The following SOX6 variants were observed in gnomAD, a reference collection of about 807,000 sequenced individuals.
SOX6 encodes SRY-box transcription factor 6, also known as transcription factor SOX-6.
SOX6 carries 11 observed loss-of-function variants against 97.8 expected under a neutral mutation model. The observed-to-expected ratio is 0.11, with a 90% CI of 0.07 to 0.19. The LOEUF is 0.19. Among genes scored for constraint, SOX6 ranks in the 10% least tolerant of loss-of-function variants. SOX6 has a pLI of 1.00. For synonymous variants in SOX6, 360 were observed against 371.4 expected, an observed-to-expected ratio of 0.97 and a Z score of 0.35; for missense variants, 810 against 1,039.5, an observed-to-expected ratio of 0.78 and a Z score of 3.04.
intron 3 of SOX6, among the ~76,000 whole-genome samples, chr11:16,621,532 T>A (rs181109220): frequency 4.1e-4 from 62 of 152,350 alleles, no homozygotes; most frequent in African/African-American, 1.5e-3. Flanking sequence ...TATAGTGTTG[T>A]ACATAAAGAT....
chr11:16,216,567 T>C (rs10832559), intron 4 of SOX6, among the ~76,000 whole-genome samples: 72,365 of 151,464 alleles, frequency 0.48, 17,469 homozygotes, highest in South Asian at 0.61. Flanking sequence ...AGAGAGTCTC[T>C]TCAGAACCCT....
At chr11:16,203,208 C>G (rs373911981) in intron 4 of SOX6, among the ~76,000 whole-genome samples, 61 of 152,162 alleles carry the variant, frequency 4.0e-4, no homozygotes, top group Admixed American at 4.0e-3. Flanking sequence ...GGTTTCTTTT[C>G]TTTGGAACCA....
chr11:16,352,611 T>C (rs565295583), intron 1 of SOX6, among the ~76,000 whole-genome samples: 1 of 152,276 alleles, frequency 6.6e-6, no homozygotes, highest in South Asian at 2.1e-4. Context: ...ATTAAAAGTG[T>C]CTGAAATCTA....
chr11:16,639,958 T>G (rs1044707701), intron 3 of SOX6, among the ~76,000 whole-genome samples: 1 of 151,790 alleles, frequency 6.6e-6, no homozygotes, highest in Non-Finnish European at 1.5e-5. Context: ...TGAATAGGAG[T>G]GGTGAGAGAG....
chr11:16,413,667 C>A (rs1015196164), intron 1 of SOX6, among the ~76,000 whole-genome samples: 7 of 151,420 alleles, frequency 4.6e-5, no homozygotes, highest in African/African-American at 9.7e-5. Flanking sequence ...ATTACAGGCA[C>A]CTGCCACCAT....
At chr11:16,322,827 C>A (rs1186292899) in intron 2 of SOX6, among the ~76,000 whole-genome samples, 1 of 152,094 alleles carries the variant, frequency 6.6e-6, no homozygotes, top group African/African-American at 2.4e-5. Flanking sequence ...TGTGTTTTGC[C>A]TTAATATTAC....
intron 4 of SOX6, among the ~76,000 whole-genome samples, chr11:16,561,269 G>C (rs1245291498): frequency 6.6e-6 from 1 of 152,118 alleles, no homozygotes. Context: ...ATGGAGGGTA[G>C]ATCCACTGCC....
intron 2 of SOX6, among the ~76,000 whole-genome samples, chr11:16,340,059 G>A (rs1448653816): frequency 6.6e-6 from 1 of 151,968 alleles, no homozygotes; most frequent in African/African-American, 2.4e-5. Flanking sequence ...AAAGAAAAAT[G>A]TCTGCCTTCA....
At chr11:16,057,220 T>G (rs1847837446) in intron 9 of SOX6, among the ~76,000 whole-genome samples, 1 of 152,198 alleles carries the variant, frequency 6.6e-6, no homozygotes, top group South Asian at 2.1e-4. Context: ...ACCCCACATG[T>G]GCTCCCATGC....
At chr11:16,352,252 ATGG>A (rs1856967411) in intron 1 of SOX6, among the ~76,000 whole-genome samples, 1 of 31,232 alleles carries the variant, frequency 3.2e-5, no homozygotes, top group Non-Finnish European at 5.7e-5. Flanking sequence ...TGGGCAGATG[ATGG>A]ATGGATGGAT....
At chr11:16,067,527 T>C (rs1848121749) in intron 9 of SOX6, among the ~76,000 whole-genome samples, 1 of 152,198 alleles carries the variant, frequency 6.6e-6, no homozygotes, top group African/African-American at 2.4e-5. Context: ...TTCCCAGCCA[T>C]GTGGAACTCT....
At chr11:16,599,272 A>C (rs1298637516) in intron 4 of SOX6, among the ~76,000 whole-genome samples, 2 of 152,176 alleles carry the variant, frequency 1.3e-5, no homozygotes, top group African/African-American at 4.8e-5. Context: ...ACACACCACA[A>C]TAAAATGTTC....
chr11:16,606,718 CTGT>C (rs1279947783), intron 4 of SOX6, among the ~76,000 whole-genome samples: 6 of 152,234 alleles, frequency 3.9e-5, no homozygotes, highest in South Asian at 2.1e-4. Flanking sequence ...TAACAGCTTT[CTGT>C]TGTCAAAGGT....
intron 1 of SOX6, among the ~76,000 whole-genome samples, chr11:16,361,709 G>A (rs185351222): frequency 6.6e-6 from 1 of 152,258 alleles, no homozygotes; most frequent in African/African-American, 2.4e-5. Context: ...CACAACAGCT[G>A]TTTAGGGTGT....
intron 2 of SOX6, among the ~76,000 whole-genome samples, chr11:16,330,692 T>C (rs1030625843): frequency 6.6e-6 from 1 of 152,214 alleles, no homozygotes; most frequent in African/African-American, 2.4e-5. Context: ...TAAACAATAG[T>C]AAGCTAAGTC....
rs1170951820 is a variant in SOX6, at chr11:16,513,821, C to CCACAAATTTATTCCACAAATAAAT, written n.610-37434_610-37433insATTTATTTGTGGAATAAATTTGTG. Reference sequence around the variant, plus strand: ...TGCCGACATATATAAAGGAATGATTCTTATTCCACAAATAAAAAAGATGAG... The same window carrying CCACAAATTTATTCCACAAATAAAT: ...TGCCGACATATATAAAGGAATGATTCCACAAATTTATTCCACAAATAAATTTATTCCACAAATAAAAAAGATGAG... On this transcript the variant is annotated intron_variant and non_coding_transcript_variant, in intron 4 of 5. Transcript: ENST00000524520. Among the ~76,000 whole-genome samples, 7 of 152,198 alleles carry CCACAAATTTATTCCACAAATAAAT rather than the reference C, an allele frequency of 4.6e-5. No homozygotes were observed. In the East Asian group the frequency reaches 1.4e-3, roughly 29 times the overall value.
chr11:16,447,239 G>A (rs1859629425), intron 1 of SOX6, among the ~76,000 whole-genome samples: 1 of 152,092 alleles, frequency 6.6e-6, no homozygotes, highest in Non-Finnish European at 1.5e-5. Context: ...AAATTAGGAA[G>A]TTATTAGGAT....
At chr11:16,240,250 C>T (rs1173213879) in intron 3 of SOX6, among the ~76,000 whole-genome samples, 1 of 147,062 alleles carries the variant, frequency 6.8e-6, no homozygotes, top group African/African-American at 2.5e-5. Context: ...AATGTTAATT[C>T]CAAAACCACT....
chr11:16,434,169 G>C (rs1156740172), intron 1 of SOX6: 1 of 152,026 alleles, frequency 6.6e-6, no homozygotes, highest in Non-Finnish European at 1.5e-5. Flanking sequence ...ATAAAATGAA[G>C]TCAACTCTGC....
Sources: gnomAD v4.1 joint callset for allele counts (sites outside exome capture counted in the v4.1 genomes callset) on GRCh38, gnomAD v4.1.1 for gene constraint, MANE v1.5 for transcripts, NCBI Gene and HGNC (gene_info 2026-07-23, HGNC 2026-07-21) for gene names.